Variants in INPP1 observed in about 807,000 individuals in gnomAD.
INPP1 encodes inositol polyphosphate 1-phosphatase.
INPP1 carries 18 observed loss-of-function variants against 23.0 expected under a neutral mutation model. The observed-to-expected ratio is 0.78, with a 90% CI of 0.54 to 1.16. The LOEUF is 1.16. Among genes scored for constraint, INPP1 ranks in the 50% most tolerant of loss-of-function variants. The probability of loss-of-function intolerance (pLI) is 0.00; values close to 1 mark genes in which losing one functional copy is unlikely to be tolerated. For synonymous variants in INPP1, 164 were observed against 176.3 expected (o/e 0.93, Z 0.55); for missense variants, 448 against 482.1 (o/e 0.93, Z 0.66).
At chr2:190,365,715 T>TCA (rs1689631495) in intron 4 of INPP1, among the ~76,000 whole-genome samples, 3 of 152,248 alleles carry the variant, frequency 2.0e-5, no homozygotes, top group African/African-American at 7.2e-5. Flanking sequence ...GCATAGGAAC[T>TCA]GCTGGGATGG....
chr2:190,358,472 C>G (rs1306613683), intron 2 of INPP1, among the ~76,000 whole-genome samples: 1 of 152,190 alleles, frequency 6.6e-6, no homozygotes, highest in Admixed American at 6.5e-5. Flanking sequence ...CCTGCCTCGG[C>G]CTTCCAAAAT....
chr2:190,369,427 T>C, intron 6 of INPP1, 150 bp downstream of exon 6: 1 of 476,108 alleles, frequency 2.1e-6, no homozygotes, highest in Non-Finnish European at 3.7e-6. Context: ...ATTAAAGTTC[T>C]ATTTTCAATC....
intron 1 of INPP1, among the ~76,000 whole-genome samples, chr2:190,348,195 A>G (rs1689259907): frequency 6.6e-6 from 1 of 152,136 alleles, no homozygotes; most frequent in African/African-American, 2.4e-5. Flanking sequence ...TATGAAATCA[A>G]CTTAAATAGC....
chr2:190,359,298 T>G (rs975110467), intron 2 of INPP1, among the ~76,000 whole-genome samples: 2 of 151,988 alleles, frequency 1.3e-5, no homozygotes, highest in South Asian at 4.1e-4. Context: ...AGACCCTGTC[T>G]CAAAAACAAA....
In INPP1 at chr2:190,356,197, G is replaced by A. The variant is rs1422950561; in HGVS notation, c.-64-3842G>A. On this transcript the variant is annotated intron_variant, in intron 2 of 6. Coordinates refer to ENST00000392329, the MANE Select transcript of INPP1 (RefSeq NM_001128928.2). The surrounding 1 kb of genome is among the most constrained non-coding windows in gnomAD (Gnocchi z 6.4). ...AGGGAAGTAGCTGAACAAATGCTGG[G>A]CTCATTAGCATGGCTGGTGAAAGTG... Among the ~76,000 whole-genome samples, 1 of 152,196 alleles carries A rather than the reference G, an allele frequency of 6.6e-6. No individual in the cohort carries two copies. Among genetic ancestry groups the A allele is most frequent in the African/African-American group, 2.4e-5 (1 of 41,456 alleles).
intron 4 of INPP1, 150 bp from the exon 5 acceptor site, chr2:190,366,543 CTT>C (rs1180984512): frequency 1.5e-6 from 1 of 648,124 alleles, no homozygotes; most frequent in African/African-American, 1.8e-5. Context: ...CTCTCTCGCT[CTT>C]TCGCTCTGTC....
intron 2 of INPP1, among the ~76,000 whole-genome samples, chr2:190,350,947 G>T (rs1187664582): frequency 6.6e-6 from 1 of 152,210 alleles, no homozygotes; most frequent in East Asian, 1.9e-4. Context: ...GTTTGTTCTT[G>T]TAAATGAATA....
Position 190,346,661 on chromosome 2 carries a change from G to A in INPP1, c.-208-2227G>A, listed in dbSNP as rs1419044134. Among the ~76,000 whole-genome samples, 1 of 152,020 alleles carries A rather than the reference G, an allele frequency of 6.6e-6. No individual in the cohort carries two copies. Among genetic ancestry groups the A allele is most frequent in the Non-Finnish European group, 1.5e-5 (1 of 68,016 alleles). ...GTCACACTCTGTCATCCAGGCTGGA[G>A]TACAGTGGTGTGATCATGGCTTATG... On this transcript the variant is annotated intron_variant, in intron 1 of 6. Coordinates refer to ENST00000392329, the MANE Select transcript of INPP1 (RefSeq NM_001128928.2). The surrounding 1 kb of genome is among the most constrained non-coding windows in gnomAD (Gnocchi z 5.1).
intron 3 of INPP1, among the ~76,000 whole-genome samples, chr2:190,361,233 GTC>G (rs1689528608): frequency 6.6e-6 from 1 of 152,318 alleles, no homozygotes; most frequent in East Asian, 1.9e-4. Context: ...TGGCTCCAGA[GTC>G]TGTGTTCTTT....
chr2:190,362,845 C>A (rs889966173), intron 4 of INPP1, 158 bp downstream of exon 4: 1 of 453,876 alleles, frequency 2.2e-6, no homozygotes, highest in Non-Finnish European at 4.0e-6. Context: ...CTCAGAATAT[C>A]ATGCCATTTA....
intron 3 of INPP1, among the ~76,000 whole-genome samples, chr2:190,360,614 CAT>C (rs971139161): frequency 2.0e-5 from 3 of 152,184 alleles, no homozygotes; most frequent in Non-Finnish European, 4.4e-5. Flanking sequence ...ATAAATAATA[CAT>C]GTTTTCTGGA....
Position 190,354,357 on chromosome 2 carries a change from G to C in INPP1, c.-65+5326G>C, listed in dbSNP as rs1689378134. Among the ~76,000 whole-genome samples the C allele has an allele frequency of 6.6e-6, 1 of 151,670 alleles. No homozygotes were observed. Among genetic ancestry groups the C allele is most frequent in the Non-Finnish European group, 1.5e-5 (1 of 67,962 alleles). On this transcript the variant is annotated intron_variant, in intron 2 of 6. Coordinates refer to ENST00000392329, the MANE Select transcript of INPP1 (RefSeq NM_001128928.2). The surrounding 1 kb of genome is among the most constrained non-coding windows in gnomAD (Gnocchi z 4.8). ...TAACCACGGCCTGTCTTTCAGGAGA[G>C]GTTTTAGGGGCTAAATTATGTTACT...
In INPP1 at chr2:190,352,981, A is replaced by G. The variant is rs967715791; in HGVS notation, c.-65+3950A>G. Among the ~76,000 whole-genome samples the G allele has an allele frequency of 6.6e-6, 1 of 152,292 alleles. No individual in the cohort carries two copies. The highest frequency in any genetic ancestry group is 1.9e-4 in the East Asian group (1 of 5,184). The stretch of plus-strand genomic sequence containing the variant: ...TGAACCGTGGGGGTGGGGTGGAGTC[A>G]ATGCGCAATGGGCAAAAATGTGTAC... On this transcript the variant is annotated intron_variant, in intron 2 of 6. Transcript: ENST00000392329. This position sits in a 1 kb window ranked among gnomAD's most constrained non-coding sequence, Gnocchi z 4.7.
In INPP1 at chr2:190,354,056, G is replaced by A. The variant is rs1440151206; in HGVS notation, c.-65+5025G>A. 6.6e-6 allele frequency among the ~76,000 whole-genome samples: 1 copy of A among 152,196 alleles called. No homozygotes were observed. The highest frequency in any genetic ancestry group is 2.4e-5 in the African/African-American group (1 of 41,456). On this transcript the variant is annotated intron_variant, in intron 2 of 6. Coordinates refer to ENST00000392329, the MANE Select transcript of INPP1 (RefSeq NM_001128928.2). The surrounding 1 kb of genome is among the most constrained non-coding windows in gnomAD (Gnocchi z 4.8). ...ACATATAGATACGTACATTTGGTTTGAGATGGAAGGAATGAAACTTCTTTA... is the reference window on the plus strand; with the variant it reads ...ACATATAGATACGTACATTTGGTTTAAGATGGAAGGAATGAAACTTCTTTA...
chr2:190,351,078 A>G (rs1241035625), intron 2 of INPP1, among the ~76,000 whole-genome samples: 2 of 152,278 alleles, frequency 1.3e-5, no homozygotes, highest in African/African-American at 4.8e-5. Flanking sequence ...GGGAAAATTC[A>G]TCAGCCAACA....
intron 5 of INPP1, 47 bp downstream of exon 5, chr2:190,366,942 G>T (rs781521573): frequency 2.0e-5 from 26 of 1,303,624 alleles, no homozygotes; most frequent in Admixed American, 5.1e-5. Context: ...TCTTTTTTTT[G>T]GTGGTGGGGT....
chr2:190,368,868 C>A lies in INPP1; in HGVS notation c.467-235C>A, dbSNP rs1281190276. Reference sequence around the variant, plus strand: ...TTGAATGCCTGTTATATACAAATTGCTATGCCACAGGAACTATAGACACAT... The same window carrying A: ...TTGAATGCCTGTTATATACAAATTGATATGCCACAGGAACTATAGACACAT... On this transcript the variant is annotated intron_variant, in intron 5 of 6. Transcript: ENST00000392329. This position sits in a 1 kb window ranked among gnomAD's most constrained non-coding sequence, Gnocchi z 4.3. 3.7e-5 allele frequency: 12 copies of A among 320,862 alleles called. No individual in the cohort carries two copies. Among genetic ancestry groups the A allele is most frequent in the Non-Finnish European group, 5.7e-5 (10 of 176,428 alleles). The allele number at this position is 320,862 out of a possible 1,614,324, so 19.9% of individuals were successfully genotyped here. A position where few individuals can be genotyped will look rare whatever the true frequency, so the allele number is the denominator to read the frequency against.
At position 190,371,264 on chromosome 2, in the gene INPP1, C is replaced by T. The variant is rs769062327; in HGVS notation, c.1062C>T (p.His354=). ...TTGATTTGCCACAGTTGGTGTACCA[C>T]GTGGAAAATGAGGGTGCTGCTGGGG... ...TGLDLPQLVY[H]VENEGAAGVD... The change falls in exon 7 of 7, where the codon CAC becomes CAT. Residue 354 remains histidine (H), a synonymous_variant. Coordinates refer to ENST00000392329, the MANE Select transcript of INPP1 (RefSeq NM_001128928.2). The surrounding 1 kb of genome is among the most constrained non-coding windows in gnomAD (Gnocchi z 5.3). 33 of 1,612,188 alleles carry T rather than the reference C, an allele frequency of 2.0e-5. No homozygotes were observed. Among genetic ancestry groups the T allele is most frequent in the South Asian group, 6.6e-5 (6 of 90,856 alleles).
rs1689708303 is a variant in INPP1, at chr2:190,367,694, G to A, written c.466+799G>A. On this transcript the variant is annotated intron_variant, in intron 5 of 6. Transcript: ENST00000392329. The surrounding 1 kb of genome is among the most constrained non-coding windows in gnomAD (Gnocchi z 4.1). The stretch of plus-strand genomic sequence containing the variant: ...AGCTTCCCAAGTAGCTGGGACCCAA[G>A]TAGGTGGCAGAGTTGCATGCCACCT... 6.6e-6 allele frequency among the ~76,000 whole-genome samples: 1 copy of A among 152,146 alleles called. No individual in the cohort carries two copies. Among genetic ancestry groups the A allele is most frequent in the Non-Finnish European group, 1.5e-5 (1 of 68,036 alleles).
Sources: gnomAD v4.1 joint callset for allele counts (sites outside exome capture counted in the v4.1 genomes callset) on GRCh38, gnomAD v4.1.1 for gene constraint, Gnocchi (gnomAD v3.1) non-coding constraint, MANE v1.5 for transcripts, NCBI Gene and HGNC (gene_info 2026-07-23, HGNC 2026-07-21) for gene names.